Variants in ABCC1 observed in about 807,000 individuals in gnomAD.
ABCC1 encodes multidrug resistance-associated protein 1.
ABCC1 carries 83 observed loss-of-function variants against 172.9 expected under a neutral mutation model. The observed-to-expected ratio is 0.48, with a 90% CI of 0.40 to 0.58. The LOEUF (loss-of-function observed/expected upper bound fraction) is 0.58, where lower values mean the gene tolerates loss of function less well. Among genes scored for constraint, ABCC1 ranks in the 20% least tolerant of loss-of-function variants. ABCC1 has a pLI of 0.00. For missense variants in ABCC1, 1,817 were observed against 2,002.7 expected, an observed-to-expected ratio of 0.91 and a Z score of 1.77; for synonymous variants, 937 against 825.2, an observed-to-expected ratio of 1.14 and a Z score of -2.32.
chr16:16,035,607 C>A (rs1299855184), intron 6 of ABCC1, among the ~76,000 whole-genome samples: 1 of 151,718 alleles, frequency 6.6e-6, no homozygotes, highest in African/African-American at 2.4e-5. Flanking sequence ...CCTGCCACCT[C>A]AGCCTCCCGA....
In ABCC1 at chr16:16,124,894, C is replaced by T; in HGVS notation, c.3696C>T (p.Leu1232=). ...RHSLSAGLVG[L]SVSYSLQVTT... is the part of the protein sequence containing the mutation. ...GCCTCAGTGCTGGCTTGGTGGGCCT[C>T]TCAGTGTCTTACTCATTGCAGGTAA... is the stretch of plus-strand genomic sequence containing the variant. The change falls in exon 25 of 31, where the codon CTC becomes CTT. Residue 1232 remains leucine, a synonymous_variant. Coordinates refer to ENST00000399410, the MANE Select transcript of ABCC1 (RefSeq NM_004996.4). 6.2e-7 allele frequency: 1 copy of T among 1,614,174 alleles called. No individual in the cohort carries two copies. The highest frequency in any genetic ancestry group is 8.5e-7 in the Non-Finnish European group (1 of 1,180,036).
chr16:16,000,271 T>C (rs1407698258), intron 1 of ABCC1, among the ~76,000 whole-genome samples: 1 of 151,868 alleles, frequency 6.6e-6, no homozygotes, highest in Non-Finnish European at 1.5e-5. Context: ...TTCAGCCCAC[T>C]GAGTAGCTGG....
At chr16:16,139,611 CAAAAAAAAA>C (rs386384360) in intron 30 of ABCC1, among the ~76,000 whole-genome samples, 1 of 57,348 alleles carries the variant, frequency 1.7e-5, no homozygotes, top group African/African-American at 8.0e-5. Flanking sequence ...GACTCCATCT[CAAAAAAAAA>C]AAAAAAAAAA....
chr16:16,005,156 C>T (rs562074889), intron 1 of ABCC1, among the ~76,000 whole-genome samples: 1 of 147,962 alleles, frequency 6.8e-6, no homozygotes, highest in Non-Finnish European at 1.5e-5. Flanking sequence ...CTCAGGTGAT[C>T]GTGGGAGGGC....
Position 16,114,992 on chromosome 16 carries a change from T to A in ABCC1, c.3306T>A (p.Ile1102=). 6.2e-7 allele frequency: 1 copy of A among 1,614,188 alleles called. No homozygotes were observed. Among genetic ancestry groups the A allele is most frequent in the South Asian group, 1.1e-5 (1 of 91,076 alleles). Reference sequence around the variant, plus strand: ...TCATGGGCTCCCTGTTCAACGTCATTGGTGCCTGCATCGTTATCCTGCTGG... The same window carrying A: ...TCATGGGCTCCCTGTTCAACGTCATAGGTGCCTGCATCGTTATCCTGCTGG... ...KMFMGSLFNV[I]GACIVILLAT... Residue 1102 remains isoleucine, a synonymous_variant, in exon 23 of 31, where the codon ATT becomes ATA. Coordinates refer to ENST00000399410, the MANE Select transcript of ABCC1 (RefSeq NM_004996.4).
intron 26 of ABCC1, among the ~76,000 whole-genome samples, chr16:16,129,518 G>C (rs2045589468): frequency 6.6e-6 from 1 of 151,282 alleles, no homozygotes; most frequent in African/African-American, 2.4e-5. Flanking sequence ...GTTGTTGGCG[G>C]TGGTGGTGGG....
intron 1 of ABCC1, among the ~76,000 whole-genome samples, chr16:15,967,579 AAAT>A (rs541725736): frequency 6.9e-6 from 1 of 145,554 alleles, no homozygotes; most frequent in Non-Finnish European, 1.5e-5. Flanking sequence ...CATCTCTACA[AAAT>A]AATAATAATA....
intron 13 of ABCC1, 79 bp downstream of exon 13, chr16:16,068,381 C>A: frequency 1.3e-6 from 2 of 1,542,968 alleles, no homozygotes; most frequent in Non-Finnish European, 1.8e-6. Context: ...TGCCCCCGAG[C>A]GCAGCCTCTA....
intron 1 of ABCC1, among the ~76,000 whole-genome samples, chr16:15,951,499 C>T (rs1176282462): frequency 6.6e-6 from 1 of 152,030 alleles, no homozygotes; most frequent in Non-Finnish European, 1.5e-5. Context: ...TGTAGCTGAT[C>T]TCTGCCTCTG....
chr16:15,978,790 T>C (rs1022541978), intron 1 of ABCC1, among the ~76,000 whole-genome samples: 3 of 152,114 alleles, frequency 2.0e-5, no homozygotes, highest in African/African-American at 4.8e-5. Context: ...AGGACGTTCA[T>C]TGATGTCTAG....
intron 12 of ABCC1, among the ~76,000 whole-genome samples, chr16:16,066,353 G>A (rs567249313): frequency 3.3e-5 from 5 of 151,732 alleles, no homozygotes; most frequent in African/African-American, 7.2e-5. Context: ...GGCTAATTGT[G>A]TATTTTTAGT....
rs953084318 is a variant in ABCC1 at position 16,019,393 on chromosome 16, C to T, written c.615+2772C>T. Among the ~76,000 whole-genome samples, 3 of 152,216 alleles carry T rather than the reference C, an allele frequency of 2.0e-5. No individual in the cohort carries two copies. The East Asian group carries it at 5.8e-4, about 29-fold the overall frequency. On this transcript the variant is annotated intron_variant, in intron 5 of 30. Transcript: ENST00000399410. ...TGTTGGGATTACAGGTGTGAGCCACCGTGTCTGGCCGAGCCATTCTTTAGA... is the reference window on the plus strand; with the variant it reads ...TGTTGGGATTACAGGTGTGAGCCACTGTGTCTGGCCGAGCCATTCTTTAGA...
At chr16:16,126,799 A>G (rs2045459804) in intron 26 of ABCC1, among the ~76,000 whole-genome samples, 1 of 152,244 alleles carries the variant, frequency 6.6e-6, no homozygotes, top group Non-Finnish European at 1.5e-5. Context: ...AAGTGACTTG[A>G]TTAAGCATAT....
At chr16:15,958,157 G>A (rs1235226015) in intron 1 of ABCC1, among the ~76,000 whole-genome samples, 1 of 152,136 alleles carries the variant, frequency 6.6e-6, no homozygotes, top group Non-Finnish European at 1.5e-5. Context: ...CCAGGCTGGA[G>A]TGCAGTAGTG....
intron 24 of ABCC1, among the ~76,000 whole-genome samples, chr16:16,124,153 C>T (rs1220432220): frequency 6.6e-6 from 1 of 152,162 alleles, no homozygotes; most frequent in African/African-American, 2.4e-5. Flanking sequence ...TTACGCACTC[C>T]CCTCCCAGAT....
At chr16:16,069,957 G>T (rs955069668) in intron 13 of ABCC1, among the ~76,000 whole-genome samples, 2 of 152,102 alleles carry the variant, frequency 1.3e-5, no homozygotes, top group African/African-American at 4.8e-5. Flanking sequence ...CTGGGAGGTG[G>T]AGGTTGCCGA....
chr16:16,018,891 A>G (rs1262658796), intron 5 of ABCC1, among the ~76,000 whole-genome samples: 2 of 151,848 alleles, frequency 1.3e-5, no homozygotes, highest in Non-Finnish European at 2.9e-5. Flanking sequence ...TAATCCCAGC[A>G]CTTTGAAAGG....
intron 1 of ABCC1, among the ~76,000 whole-genome samples, chr16:16,006,788 C>T (rs2047545838): frequency 1.4e-5 from 2 of 148,070 alleles, no homozygotes; most frequent in African/African-American, 2.4e-5. Flanking sequence ...AGATAATACA[C>T]ATGAGGTACT....
chr16:16,056,346 C>T (rs780004565), intron 12 of ABCC1, 51 bp downstream of exon 12: 9 of 1,589,124 alleles, frequency 5.7e-6, no homozygotes, highest in Non-Finnish European at 6.9e-6. Flanking sequence ...GTTTTATTTT[C>T]TCTGCGTACC....
Sources: gnomAD v4.1 joint callset for allele counts (sites outside exome capture counted in the v4.1 genomes callset) on GRCh38, gnomAD v4.1.1 for gene constraint, MANE v1.5 for transcripts, NCBI Gene and HGNC (gene_info 2026-07-23, HGNC 2026-07-21) for gene names.